Variants in ATP5F1A observed in about 807,000 individuals in gnomAD.
The protein encoded by ATP5F1A is ATP synthase F1 subunit alpha, also known as ATP synthase F(1) complex subunit alpha, mitochondrial.
In ATP5F1A, 24 loss-of-function variants were observed where a neutral mutation model predicts 57.4. The ratio of observed to expected loss-of-function variants is 0.42; its 90% CI spans 0.30 to 0.59. The LOEUF is 0.59. Among genes scored for constraint, ATP5F1A ranks in the 20% least tolerant of loss-of-function variants. The pLI is 0.19. For missense variants in ATP5F1A, 494 were observed against 707.9 expected (o/e 0.70, Z 3.43); for synonymous variants, 251 against 255.5 (o/e 0.98, Z 0.17).
At chr18:46,096,678 AAC>A (rs10617047) in intron 1 of ATP5F1A, among the ~76,000 whole-genome samples, 58,253 of 151,318 alleles carry the variant, frequency 0.38, 11,549 homozygotes, top group Middle Eastern at 0.53. Flanking sequence ...TAAAAACAAC[AAC>A]AACAACAACG....
Position 46,091,744 on chromosome 18 carries a change from G to C in ATP5F1A, c.247C>G (p.Arg83Gly), listed in dbSNP as rs1910566181. 1 of 1,613,560 alleles carries C rather than the reference G, an allele frequency of 6.2e-7. No homozygotes were observed. The highest frequency in any genetic ancestry group is 8.5e-7 in the Non-Finnish European group (1 of 1,179,880). ...RVLSIGDGIA[R>G]VHGLRNVQAE... ...TGAACATTCCTCAGCCCATGTACGC[G>C]GGCAATACCATCACCAATACTTAAG... The change falls in exon 3 of 12, where the codon CGC becomes GGC. Residue 83 changes from arginine to glycine, a missense_variant. Coordinates refer to ENST00000398752, the MANE Select transcript of ATP5F1A (RefSeq NM_004046.6).
At chr18:46,096,327 C>T (rs1163849302) in intron 1 of ATP5F1A, among the ~76,000 whole-genome samples, 1 of 151,546 alleles carries the variant, frequency 6.6e-6, no homozygotes, top group Non-Finnish European at 1.5e-5. Flanking sequence ...ATGGAGAAAC[C>T]CCGTCTCTAC....
intron 2 of ATP5F1A, among the ~76,000 whole-genome samples, chr18:46,094,335 G>A (rs1910787491): frequency 6.6e-6 from 1 of 152,060 alleles, no homozygotes; most frequent in Non-Finnish European, 1.5e-5. Context: ...CAAGTTCACA[G>A]ATTGCCAAAT....
At chr18:46,092,228 T>TAATAATAAAAAA (rs1204026682) in intron 2 of ATP5F1A, 7 of 69,650 alleles carry the variant, frequency 1.0e-4, no homozygotes, top group Non-Finnish European at 3.1e-4. Context: ...ATAATAATAA[T>TAATAATAAAAAA]AAAAATCTGG....
Position 46,084,159 on chromosome 18 carries a change from A to T in ATP5F1A, c.*123T>A, listed in dbSNP as rs1909916378. On this transcript the variant is annotated 3_prime_UTR_variant, in exon 12 of 12. Coordinates refer to ENST00000398752, the MANE Select transcript of ATP5F1A (RefSeq NM_004046.6). ...GACAGAAAACAACTATGCATTATGG[A>T]ACCTTTATTTTTCATGTGATTTCTG... 4 of 772,146 alleles carry T rather than the reference A, an allele frequency of 5.2e-6. No homozygotes were observed. Among genetic ancestry groups the T allele is most frequent in the Middle Eastern group, 3.9e-4 (1 of 2,590 alleles). The allele number at this position is 772,146 out of a possible 1,614,324, so 47.8% of individuals were successfully genotyped here.
chr18:46,081,692 A>AAAAAAAAAAAAAAAAAC lies in ATP5F1A; in HGVS notation c.*2589_*2590insGTTTTTTTTTTTTTTTT, dbSNP rs1568240735. 44 of 144,546 alleles carry AAAAAAAAAAAAAAAAAC rather than the reference A, an allele frequency of 3.0e-4. No homozygotes were observed. Among genetic ancestry groups the AAAAAAAAAAAAAAAAAC allele is most frequent in the South Asian group, 6.3e-4 (3 of 4,730 alleles). The allele number at this position is 144,546 out of a possible 1,614,324, so 9.0% of individuals were successfully genotyped here. On this transcript the variant is annotated 3_prime_UTR_variant, in exon 12 of 12. Coordinates refer to ENST00000398752, the MANE Select transcript of ATP5F1A (RefSeq NM_004046.6). The stretch of plus-strand genomic sequence containing the variant: ...AAAAAACAAAAAAAAAAAAAAAAAA[A>AAAAAAAAAAAAAAAAAC]AAAAACGAAATGTGCAGAACCTTCT...
upstream of ATP5F1A, among the ~76,000 whole-genome samples, chr18:46,099,985 T>G (rs1006990741): frequency 2.0e-5 from 3 of 152,036 alleles, no homozygotes; most frequent in African/African-American, 7.2e-5. Context: ...GCGCAGTGGC[T>G]CACGCCTGTA....
At chr18:46,092,096 G>A in intron 2 of ATP5F1A, 1 of 214,336 alleles carries the variant, frequency 4.7e-6, no homozygotes, top group Non-Finnish European at 9.3e-6. Context: ...AGAATCGCTT[G>A]AACCCAGGAG....
upstream of ATP5F1A, among the ~76,000 whole-genome samples, chr18:46,101,800 G>A (rs536706802): frequency 2.5e-4 from 38 of 150,780 alleles, 1 homozygote; most frequent in Admixed American, 1.2e-3. Flanking sequence ...GCTGAGGCAC[G>A]AGAATCACTT....
upstream of ATP5F1A, among the ~76,000 whole-genome samples, chr18:46,100,360 G>A (rs1255979398): frequency 6.6e-6 from 1 of 151,840 alleles, no homozygotes; most frequent in Admixed American, 6.6e-5. Context: ...CATTTGGGAA[G>A]CAATAATTGC....
intron 3 of ATP5F1A, among the ~76,000 whole-genome samples, chr18:46,090,982 G>A (rs1910513275): frequency 6.6e-6 from 1 of 152,192 alleles, no homozygotes; most frequent in Non-Finnish European, 1.5e-5. Context: ...ACTGTACACT[G>A]AAGATGCTAA....
chr18:46,087,843 G>T, intron 6 of ATP5F1A: 1 of 466,262 alleles, frequency 2.1e-6, no homozygotes, highest in Non-Finnish European at 3.7e-6. Context: ...TCGTGCCATC[G>T]CACTCCAGCC....
rs1179670553 is a variant in ATP5F1A at position 46,089,555 on chromosome 18, T to A, written c.650+11A>T. 1.9e-6 allele frequency: 3 copies of A among 1,611,968 alleles called. No individual in the cohort carries two copies. The highest frequency in any genetic ancestry group is 8.5e-7 in the Non-Finnish European group (1 of 1,179,380). On this transcript the variant is annotated intron_variant, in intron 5 of 11. Coordinates refer to ENST00000398752, the MANE Select transcript of ATP5F1A (RefSeq NM_004046.6). ...TTAGTTAGAACTTTTAATATGCTTT[T>A]GAGTCTTTACCCAGTCTGTCGGTCA...
At position 46,091,734 on chromosome 18, in the gene ATP5F1A, C is replaced by A; in HGVS notation, c.257G>T (p.Gly86Val). Reference sequence around the variant, plus strand: ...TTCTTCTGCTTGAACATTCCTCAGCCCATGTACGCGGGCAATACCATCACC... The same window carrying A: ...TTCTTCTGCTTGAACATTCCTCAGCACATGTACGCGGGCAATACCATCACC... ...SIGDGIARVH[G>V]LRNVQAEEMV... Residue 86 changes from glycine (G) to valine (V), a missense_variant, in exon 3 of 12, where the codon GGG (glycine) becomes GTG (valine). Gly to Val is a moderately radical substitution (Grantham distance 109). Transcript: ENST00000398752. 1 of 1,613,794 alleles carries A rather than the reference C, an allele frequency of 6.2e-7. No individual in the cohort carries two copies. The highest frequency in any genetic ancestry group is 8.5e-7 in the Non-Finnish European group (1 of 1,179,934).
upstream of ATP5F1A, among the ~76,000 whole-genome samples, chr18:46,102,031 G>T (rs191669461): frequency 5.9e-5 from 9 of 152,002 alleles, no homozygotes; most frequent in African/African-American, 1.9e-4. Context: ...AAAATTAGCC[G>T]GGTGTGGTGG....
chr18:46,103,913 C>CA (rs5824616), intron 1 of ATP5F1A, among the ~76,000 whole-genome samples: 2,906 of 138,382 alleles, frequency 0.021, 39 homozygotes, highest in African/African-American at 0.031. Context: ...GACTCTGTCT[C>CA]AAAAAAAAAA....
chr18:46,087,568 C>A, intron 6 of ATP5F1A, 76 bp from the exon 7 acceptor site: 1 of 1,504,340 alleles, frequency 6.6e-7, no homozygotes, highest in Non-Finnish European at 9.1e-7. Flanking sequence ...TACCTAAGTG[C>A]TAAAAATATT....
At chr18:46,095,229 G>T in intron 1 of ATP5F1A, 98 bp from the exon 2 acceptor site, 1 of 1,101,500 alleles carries the variant, frequency 9.1e-7, no homozygotes, top group Non-Finnish European at 1.3e-6. Context: ...CAAAGTACTG[G>T]TGAAAATGCT....
intron 5 of ATP5F1A, 89 bp downstream of exon 5, chr18:46,089,477 C>G (rs1910384217): frequency 6.2e-6 from 9 of 1,444,520 alleles, no homozygotes; most frequent in Non-Finnish European, 8.6e-6. Flanking sequence ...CTAATGTCCC[C>G]ATTACCATTT....
Sources: gnomAD v4.1 joint callset for allele counts (sites outside exome capture counted in the v4.1 genomes callset) on GRCh38, gnomAD v4.1.1 for gene constraint, MANE v1.5 for transcripts, NCBI Gene and HGNC (gene_info 2026-07-23, HGNC 2026-07-21) for gene names.